The following DOCK11 variants were observed in gnomAD, a reference collection of about 807,000 sequenced individuals.
DOCK11 encodes dedicator of cytokinesis 11, also known as dedicator of cytokinesis protein 11.
A neutral mutation model predicts 169.1 loss-of-function variants in DOCK11; 70 were observed. The ratio of observed to expected loss-of-function variants is 0.41; its 90% confidence interval spans 0.34 to 0.51. The LOEUF is 0.51. Among genes scored for constraint, DOCK11 ranks in the 20% least tolerant of loss-of-function variants. The pLI, the probability that DOCK11 is intolerant of heterozygous loss-of-function variation, is 0.10. For synonymous variants in DOCK11, 529 were observed against 541.3 expected (o/e 0.98, Z 0.32); for missense variants, 1,166 against 1,538.8 (o/e 0.76, Z 4.05).
intron 44 of DOCK11, among the ~76,000 whole-genome samples, chrX:118,655,777 C>G (rs1222777558): frequency 8.9e-6 from 1 of 112,347 alleles, no homozygotes; most frequent in Admixed American, 9.4e-5. Context: ...AATGTCCAAG[C>G]TACTTCCTTT....
At chrX:118,683,313 G>A in intron 52 of DOCK11, 96 bp downstream of exon 52, 6 of 914,566 alleles carry the variant, frequency 6.6e-6, no homozygotes, top group Non-Finnish European at 7.4e-6. Context: ...CAACCTTAAA[G>A]TTATTAAGTC....
intron 23 of DOCK11, among the ~76,000 whole-genome samples, chrX:118,599,442 A>G (rs1394622847): frequency 1.8e-5 from 2 of 112,080 alleles, no homozygotes; most frequent in Non-Finnish European, 3.8e-5. Context: ...AATAGCCACA[A>G]TGCAGCATCA....
At chrX:118,652,300 GA>G (rs747779294) in intron 42 of DOCK11, among the ~76,000 whole-genome samples, 6 of 111,366 alleles carry the variant, frequency 5.4e-5, no homozygotes, top group Non-Finnish European at 1.1e-4. Flanking sequence ...ATGGATGAAT[GA>G]ATATACTATG....
intron 1 of DOCK11, among the ~76,000 whole-genome samples, chrX:118,511,169 C>T: frequency 8.9e-6 from 1 of 112,452 alleles, no homozygotes. Flanking sequence ...TTTTTCAAGC[C>T]TCTGGCTAAT....
intron 46 of DOCK11, 69 bp from the exon 47 acceptor site, chrX:118,675,867 A>T: frequency 1.6e-6 from 1 of 627,697 alleles, no homozygotes; most frequent in Non-Finnish European, 2.4e-6. Flanking sequence ...TTATTTTTGT[A>T]CATTCATCTT....
intron 32 of DOCK11, among the ~76,000 whole-genome samples, chrX:118,625,372 G>A (rs2015078244): frequency 9.1e-6 from 1 of 110,431 alleles, no homozygotes; most frequent in Non-Finnish European, 1.9e-5. Flanking sequence ...AGCCAGGCTG[G>A]TCTGGAACAT....
At chrX:118,605,584 G>A (rs1055751436) in intron 24 of DOCK11, among the ~76,000 whole-genome samples, 1 of 111,656 alleles carries the variant, frequency 9.0e-6, no homozygotes, top group African/African-American at 3.3e-5. Context: ...ATTTTCCACG[G>A]TTTCTCCTGT....
At chrX:118,678,922 C>T (rs1405705924) in intron 48 of DOCK11, among the ~76,000 whole-genome samples, 1 of 110,965 alleles carries the variant, frequency 9.0e-6, no homozygotes, top group Non-Finnish European at 1.9e-5. Context: ...AGGTGTGCAC[C>T]ACCACACCTG....
At chrX:118,574,125 T>C in intron 12 of DOCK11, 107 bp downstream of exon 12, 1 of 844,615 alleles carries the variant, frequency 1.2e-6, no homozygotes, top group Non-Finnish European at 1.6e-6. Flanking sequence ...TTCTCTCTCT[T>C]GTAAGGTCTG....
intron 43 of DOCK11, 39 bp from the exon 44 acceptor site, chrX:118,654,865 G>T (rs750512907): frequency 8.3e-7 from 1 of 1,205,671 alleles, no homozygotes; most frequent in African/African-American, 1.7e-5. Context: ...AACACCTTGA[G>T]CATGTTCTGA....
At chrX:118,534,070 A>G (rs1348946915) in intron 1 of DOCK11, among the ~76,000 whole-genome samples, 1 of 112,416 alleles carries the variant, frequency 8.9e-6, no homozygotes, top group Non-Finnish European at 1.9e-5. Flanking sequence ...TTGCCATTCT[A>G]GTCTCTCAAT....
At chrX:118,616,162 T>G in intron 30 of DOCK11, 2 of 857,915 alleles carry the variant, frequency 2.3e-6, no homozygotes, top group East Asian at 1.6e-4. Flanking sequence ...TATGTTACTA[T>G]GTTTTTTATT....
chrX:118,622,638 G>A (rs895317330), intron 31 of DOCK11, among the ~76,000 whole-genome samples: 3 of 111,235 alleles, frequency 2.7e-5, no homozygotes, highest in Admixed American at 1.9e-4. Flanking sequence ...ACTATATGCC[G>A]AACACTATTT....
chrX:118,571,927 C>T (rs1290791169), intron 10 of DOCK11, among the ~76,000 whole-genome samples: 1 of 111,440 alleles, frequency 9.0e-6, no homozygotes, highest in Non-Finnish European at 1.9e-5. Flanking sequence ...AGTGCAAAAG[C>T]CCCGGCATGG....
At chrX:118,578,997 T>C (rs1051923307) in intron 13 of DOCK11, among the ~76,000 whole-genome samples, 4 of 111,779 alleles carry the variant, frequency 3.6e-5, no homozygotes, top group Non-Finnish European at 7.5e-5. Flanking sequence ...GTCCTATAGT[T>C]CCCAAATGTC....
At chrX:118,581,389 A>T (rs367713485) in intron 14 of DOCK11, among the ~76,000 whole-genome samples, 4 of 111,605 alleles carry the variant, frequency 3.6e-5, no homozygotes, top group African/African-American at 9.8e-5. Flanking sequence ...AAAGAGTAGC[A>T]GAGGTTGGTG....
chrX:118,548,407 C>T (rs1406750821), intron 6 of DOCK11, among the ~76,000 whole-genome samples: 1 of 111,997 alleles, frequency 8.9e-6, no homozygotes, highest in Non-Finnish European at 1.9e-5. Context: ...TGGTCCCCTA[C>T]ATGGCAAAGA....
chrX:118,558,414 A>G (rs1262703112), intron 6 of DOCK11, among the ~76,000 whole-genome samples: 1 of 112,020 alleles, frequency 8.9e-6, no homozygotes, highest in Non-Finnish European at 1.9e-5. Context: ...CAGGTATGAT[A>G]TAGAGTAATT....
At chrX:118,502,593 C>T (rs751645613) in intron 1 of DOCK11, among the ~76,000 whole-genome samples, 1 of 111,722 alleles carries the variant, frequency 9.0e-6, no homozygotes, top group East Asian at 2.8e-4. Flanking sequence ...CTGTCACTTG[C>T]CTGAATTGTG....
Sources: allele counts gnomAD v4.1 joint callset (sites outside exome capture counted in the v4.1 genomes callset), GRCh38; gene constraint gnomAD v4.1.1; transcripts MANE v1.5; gene names NCBI Gene and HGNC (gene_info 2026-07-23, HGNC 2026-07-21).